The following NEK11 variants were observed in gnomAD, a reference collection of about 807,000 sequenced individuals.
NEK11 encodes the protein serine/threonine-protein kinase Nek11.
NEK11 carries 72 observed loss-of-function variants against 80.7 expected under a neutral mutation model. That is an observed-to-expected ratio of 0.89 (90% CI 0.74 to 1.08). NEK11 has a LOEUF of 1.08. Among genes scored for constraint, NEK11 ranks in the 50% least tolerant of loss-of-function variants. The pLI, the probability that NEK11 is intolerant of heterozygous loss-of-function variation, is 0.00. For missense variants in NEK11, 764 were observed against 763.6 expected (o/e 1.00, Z -0.01); for synonymous variants, 251 against 260.7 (o/e 0.96, Z 0.36).
intron 4 of NEK11, among the ~76,000 whole-genome samples, chr3:131,083,569 A>G (rs182943365): frequency 1.4e-4 from 22 of 152,346 alleles, no homozygotes; most frequent in East Asian, 3.9e-4. Flanking sequence ...AGGTAAAATA[A>G]TAGTATAGGA....
At chr3:131,268,160 G>A (rs2096100514) in intron 16 of NEK11, among the ~76,000 whole-genome samples, 1 of 152,134 alleles carries the variant, frequency 6.6e-6, no homozygotes, top group Non-Finnish European at 1.5e-5. Flanking sequence ...ATTCTAGTTA[G>A]CAATTCGTCT....
At chr3:131,061,492 G>A (rs1044555659) in intron 3 of NEK11, among the ~76,000 whole-genome samples, 1 of 152,110 alleles carries the variant, frequency 6.6e-6, no homozygotes, top group African/African-American at 2.4e-5. Context: ...GTATCTCGGT[G>A]TTGGCTATAT....
intron 3 of NEK11, among the ~76,000 whole-genome samples, chr3:131,080,100 G>A (rs1703778999): frequency 6.6e-6 from 1 of 151,596 alleles, no homozygotes; most frequent in African/African-American, 2.4e-5. Context: ...GACAGAAATA[G>A]ATAACTATAA....
At chr3:131,171,657 A>G (rs1176855618) in intron 14 of NEK11, among the ~76,000 whole-genome samples, 2 of 152,204 alleles carry the variant, frequency 1.3e-5, no homozygotes, top group African/African-American at 4.8e-5. Flanking sequence ...TGTGAATAGC[A>G]AATGAGACGT....
intron 3 of NEK11, among the ~76,000 whole-genome samples, chr3:131,063,840 G>T (rs1020628269): frequency 1.3e-5 from 2 of 152,010 alleles, no homozygotes; most frequent in African/African-American, 4.8e-5. Context: ...ATACCCAAAA[G>T]ACATAAAAAC....
chr3:131,087,558 T>G (rs1241613440), intron 4 of NEK11, among the ~76,000 whole-genome samples: 2 of 152,152 alleles, frequency 1.3e-5, no homozygotes, highest in African/African-American at 2.4e-5. Flanking sequence ...TCTTAACCAC[T>G]AATAGGCCTG....
chr3:131,228,604 G>T lies in NEK11; in HGVS notation c.1476G>T (p.Glu492Asp), dbSNP rs145914506. 49 of 1,613,424 alleles carry T rather than the reference G, an allele frequency of 3.0e-5. 1 individual carries two copies. In the Middle Eastern group the frequency reaches 5.0e-4, roughly 16 times the overall value. ...ATTCCTATTGTGAAGAGAGTGATGA[G>T]GAGGAAGAAGAAATAGCGTTAGAAA... Reference protein sequence around the residue: ...AFDSYCEESDEEEEEIALERP... With the variant: ...AFDSYCEESDDEEEEIALERP... The change falls in exon 15 of 18, where the codon GAG becomes GAT. Residue 492 changes from glutamate (E) to aspartate (D), a missense_variant. Coordinates refer to ENST00000383366, the MANE Select transcript of NEK11 (RefSeq NM_024800.5).
chr3:131,059,499 T>C (rs6791336), intron 3 of NEK11, among the ~76,000 whole-genome samples: 81,365 of 151,960 alleles, frequency 0.54, 22,051 homozygotes, highest in Middle Eastern at 0.72. Context: ...GAACATGTAA[T>C]AAAAGTCCCA....
At chr3:131,039,378 C>T (rs777949065) in intron 3 of NEK11, among the ~76,000 whole-genome samples, 2 of 152,214 alleles carry the variant, frequency 1.3e-5, no homozygotes, top group African/African-American at 2.4e-5. Flanking sequence ...TAATCTGTAA[C>T]TAGCCCTTCT....
intron 17 of NEK11, among the ~76,000 whole-genome samples, chr3:131,340,824 G>T (rs1582425242): frequency 6.6e-6 from 1 of 152,200 alleles, no homozygotes; most frequent in East Asian, 1.9e-4. Flanking sequence ...TGTAAATGAA[G>T]TATTTGGACT....
intron 15 of NEK11, among the ~76,000 whole-genome samples, chr3:131,229,796 T>C (rs2095293642): frequency 6.6e-6 from 1 of 151,196 alleles, no homozygotes; most frequent in Non-Finnish European, 1.5e-5. Context: ...GAGAAAGAGA[T>C]GAAGAGAAAG....
At chr3:131,282,741 A>G (rs2096416131) in intron 17 of NEK11, among the ~76,000 whole-genome samples, 1 of 140,426 alleles carries the variant, frequency 7.1e-6, no homozygotes, top group Admixed American at 6.8e-5. Context: ...GAACATGAGA[A>G]GTCCATGATC....
At chr3:131,106,292 T>G (rs2079168611) in intron 4 of NEK11, among the ~76,000 whole-genome samples, 1 of 151,928 alleles carries the variant, frequency 6.6e-6, no homozygotes, top group African/African-American at 2.4e-5. Context: ...AGGGCTTTTT[T>G]TTTTTTTTTC....
intron 4 of NEK11, among the ~76,000 whole-genome samples, chr3:131,098,823 A>G (rs1240617506): frequency 7.0e-6 from 1 of 143,718 alleles, no homozygotes; most frequent in Non-Finnish European, 1.6e-5. Context: ...CTACTTTTAA[A>G]TGTTTTTTTT....
chr3:131,318,739 G>GTATATA (rs35126140), intron 17 of NEK11, among the ~76,000 whole-genome samples: 2,171 of 145,490 alleles, frequency 0.015, 17 homozygotes, highest in Middle Eastern at 0.036. Context: ...GTGTACATGT[G>GTATATA]TATATATATA....
At chr3:131,130,387 G>A (rs915632972) in intron 5 of NEK11, among the ~76,000 whole-genome samples, 2 of 152,026 alleles carry the variant, frequency 1.3e-5, no homozygotes, top group African/African-American at 4.8e-5. Flanking sequence ...TGTAAACAGA[G>A]AGTTTGTTTT....
chr3:131,303,530 T>C (rs1436025051), intron 17 of NEK11, among the ~76,000 whole-genome samples: 1 of 152,214 alleles, frequency 6.6e-6, no homozygotes, highest in Admixed American at 6.5e-5. Flanking sequence ...CTGATGGTAA[T>C]GAATTTCCTT....
At chr3:131,209,860 T>A (rs1048857756) in intron 14 of NEK11, among the ~76,000 whole-genome samples, 1 of 152,214 alleles carries the variant, frequency 6.6e-6, no homozygotes, top group Non-Finnish European at 1.5e-5. Context: ...TTGTGTCTAT[T>A]TGATTCTTCT....
chr3:131,038,050 G>A (rs2065914640), intron 3 of NEK11, among the ~76,000 whole-genome samples: 1 of 150,038 alleles, frequency 6.7e-6, no homozygotes. Flanking sequence ...TCAAAACACA[G>A]TTTCTTTCAG....
Sources: allele counts gnomAD v4.1 joint callset (sites outside exome capture counted in the v4.1 genomes callset), GRCh38; gene constraint gnomAD v4.1.1; transcripts MANE v1.5; gene names NCBI Gene and HGNC (gene_info 2026-07-23, HGNC 2026-07-21).